RBFOX1: variants seen among roughly 807,000 people sequenced by gnomAD.
RBFOX1 encodes RNA binding fox-1 homolog 1.
In RBFOX1, 8 loss-of-function variants were observed where a neutral mutation model predicts 57.7. That is an observed-to-expected ratio of 0.14 (90% CI 0.08 to 0.25). RBFOX1 has a LOEUF of 0.25. Ranked by LOEUF, RBFOX1 falls within the 10% of genes least tolerant of loss-of-function variation. The probability of loss-of-function intolerance (pLI) is 1.00; values close to 1 mark genes in which losing one functional copy is unlikely to be tolerated. For synonymous variants in RBFOX1, 326 were observed against 222.4 expected, an observed-to-expected ratio of 1.47 and a Z score of -4.15; for missense variants, 611 against 548.5, an observed-to-expected ratio of 1.11 and a Z score of -1.14.
At chr16:7,286,402 A>G (rs971100068) in intron 4 of RBFOX1, among the ~76,000 whole-genome samples, 2 of 151,926 alleles carry the variant, frequency 1.3e-5, no homozygotes, top group East Asian at 1.9e-4. Context: ...AAAATGCTCA[A>G]AAGTGTCAGA....
At chr16:5,991,638 TTAGA>T (rs771351851) in intron 4 of RBFOX1, among the ~76,000 whole-genome samples, 136 of 144,464 alleles carry the variant, frequency 9.4e-4, no homozygotes, top group Non-Finnish European at 1.8e-3. Flanking sequence ...TGGGAAATTA[TTAGA>T]TAGTTTTTTT....
At chr16:7,543,842 T>A (rs1175092937) in intron 5 of RBFOX1, among the ~76,000 whole-genome samples, 1 of 152,130 alleles carries the variant, frequency 6.6e-6, no homozygotes, top group Non-Finnish European at 1.5e-5. Context: ...TGCCTCACTC[T>A]CCCGAGTAGC....
chr16:5,506,715 C>G (rs568108656), intron 2 of RBFOX1, among the ~76,000 whole-genome samples: 1 of 152,152 alleles, frequency 6.6e-6, no homozygotes, highest in Non-Finnish European at 1.5e-5. Context: ...TACGGCTTCC[C>G]CAGGGACATC....
intron 1 of RBFOX1, chr16:6,092,337 T>C (rs139483259): frequency 0.012 from 1,803 of 152,280 alleles, 16 homozygotes; most frequent in Non-Finnish European, 0.02. Context: ...ACAGCAACCA[T>C]GGGAACACAG....
At chr16:5,436,217 G>T (rs778591825) in intron 1 of RBFOX1, among the ~76,000 whole-genome samples, 4 of 152,164 alleles carry the variant, frequency 2.6e-5, no homozygotes, top group Non-Finnish European at 4.4e-5. Flanking sequence ...GCCTCAAAAG[G>T]GGGCTCGTGA....
At chr16:6,928,415 A>G (rs563735128) in intron 3 of RBFOX1, among the ~76,000 whole-genome samples, 20 of 152,274 alleles carry the variant, frequency 1.3e-4, no homozygotes, top group African/African-American at 4.8e-4. Flanking sequence ...TTGTTGTAGG[A>G]TAATGAAGGG....
chr16:5,709,250 G>C (rs2051363879), intron 3 of RBFOX1, among the ~76,000 whole-genome samples: 1 of 152,142 alleles, frequency 6.6e-6, no homozygotes, highest in Non-Finnish European at 1.5e-5. Context: ...GAGAACACAG[G>C]ATGCCAGGCA....
intron 3 of RBFOX1, among the ~76,000 whole-genome samples, chr16:6,810,190 C>T (rs761407465): frequency 7.9e-5 from 12 of 152,124 alleles, no homozygotes; most frequent in Non-Finnish European, 4.4e-5. Context: ...ATGTGTGCAA[C>T]TTGGAGTGGA....
chr16:7,229,365 G>T (rs770924499), intron 4 of RBFOX1, among the ~76,000 whole-genome samples: 4 of 152,140 alleles, frequency 2.6e-5, no homozygotes, highest in African/African-American at 9.7e-5. Context: ...TAACCTTAAA[G>T]ATAATGAAGT....
At chr16:6,124,177 A>G (rs1448829534) in intron 1 of RBFOX1, among the ~76,000 whole-genome samples, 2 of 152,140 alleles carry the variant, frequency 1.3e-5, no homozygotes, top group Non-Finnish European at 2.9e-5. Flanking sequence ...ATTTGGCATC[A>G]AAAACTGAAA....
intron 3 of RBFOX1, among the ~76,000 whole-genome samples, chr16:6,913,243 A>G (rs111700485): frequency 0.011 from 1,732 of 152,172 alleles, 40 homozygotes; most frequent in African/African-American, 0.039. Flanking sequence ...CTGTCCACCT[A>G]TTTAACTGTT....
intron 14 of RBFOX1, among the ~76,000 whole-genome samples, chr16:7,690,735 T>C (rs893474678): frequency 6.6e-6 from 1 of 152,118 alleles, no homozygotes; most frequent in Non-Finnish European, 1.5e-5. Flanking sequence ...TATGTGTCTC[T>C]GGTCATCTGG....
At chr16:6,589,720 G>T (rs961943471) in intron 2 of RBFOX1, among the ~76,000 whole-genome samples, 1 of 152,202 alleles carries the variant, frequency 6.6e-6, no homozygotes, top group Non-Finnish European at 1.5e-5. Flanking sequence ...AAGGGGGATT[G>T]TTTGGGGAAA....
intron 1 of RBFOX1, among the ~76,000 whole-genome samples, chr16:5,312,866 G>A (rs78251475): frequency 0.018 from 2,814 of 152,286 alleles, 85 homozygotes; most frequent in African/African-American, 0.062. Context: ...GAATAGAGAG[G>A]CGGACACTGC....
chr16:5,483,638 C>T (rs539839478), intron 2 of RBFOX1, among the ~76,000 whole-genome samples: 2 of 152,308 alleles, frequency 1.3e-5, no homozygotes, highest in South Asian at 2.1e-4. Context: ...TTTTCTAATG[C>T]TGTAGACGGG....
chr16:6,735,970 C>T (rs528012733), intron 3 of RBFOX1, among the ~76,000 whole-genome samples: 4 of 354 alleles, frequency 0.011, no homozygotes, highest in African/African-American at 0.027. Context: ...ATAAGGTTTG[C>T]TTCCCTACTG....
intron 3 of RBFOX1, among the ~76,000 whole-genome samples, chr16:6,830,308 C>T (rs915857296): frequency 1.4e-4 from 21 of 152,170 alleles, no homozygotes; most frequent in African/African-American, 5.1e-4. Context: ...TAAAATAATA[C>T]AGAACTATTA....
intron 4 of RBFOX1, among the ~76,000 whole-genome samples, chr16:7,428,873 C>T (rs1175541722): frequency 1.3e-5 from 2 of 152,046 alleles, no homozygotes; most frequent in Non-Finnish European, 2.9e-5. Flanking sequence ...GTAGAAGTAG[C>T]AGCAGCAGCA....
chr16:5,799,827 C>G (rs2055002361), intron 3 of RBFOX1, among the ~76,000 whole-genome samples: 1 of 151,974 alleles, frequency 6.6e-6, no homozygotes, highest in African/African-American at 2.4e-5. Context: ...GTGCCTCTAC[C>G]TATTCAACAA....
Sources: gnomAD v4.1 joint callset for allele counts (sites outside exome capture counted in the v4.1 genomes callset) on GRCh38, gnomAD v4.1.1 for gene constraint, MANE v1.5 for transcripts, NCBI Gene and HGNC (gene_info 2026-07-23, HGNC 2026-07-21) for gene names.